Variants in GALNTL5 observed in about 807,000 individuals in gnomAD.
GALNTL5 encodes the protein inactive polypeptide N-acetylgalactosaminyltransferase-like protein 5.
A neutral mutation model predicts 51.0 loss-of-function variants in GALNTL5; 44 were observed. That is an observed-to-expected ratio of 0.86 (90% CI 0.68 to 1.11). GALNTL5 has a LOEUF of 1.11. Ranked by LOEUF, GALNTL5 falls within the 50% of genes least tolerant of loss-of-function variation. The pLI, the probability that GALNTL5 is intolerant of heterozygous loss-of-function variation, is 0.00. For missense variants in GALNTL5, 528 were observed against 531.8 expected, an observed-to-expected ratio of 0.99 and a Z score of 0.07; for synonymous variants, 192 against 182.8, an observed-to-expected ratio of 1.05 and a Z score of -0.41.
At chr7:151,979,629 G>T (rs1333370806) in intron 3 of GALNTL5, among the ~76,000 whole-genome samples, 1 of 150,808 alleles carries the variant, frequency 6.6e-6, no homozygotes, top group Admixed American at 6.6e-5. Flanking sequence ...CTAATTTTTT[G>T]GATTTTTAGT....
At chr7:151,968,942 G>A (rs1384548595) in intron 2 of GALNTL5, among the ~76,000 whole-genome samples, 2 of 151,982 alleles carry the variant, frequency 1.3e-5, no homozygotes, top group Non-Finnish European at 2.9e-5. Context: ...GGATCTTTTG[G>A]AATCTTTTGT....
In GALNTL5 at chr7:152,014,722, C is replaced by T; in HGVS notation, c.1105C>T (p.Pro369Ser). 1 of 1,613,962 alleles carries T rather than the reference C, an allele frequency of 6.2e-7. No homozygotes were observed. The highest frequency in any genetic ancestry group is 8.5e-7 in the Non-Finnish European group (1 of 1,179,920). Residue 369 changes from proline (P) to serine (S), a missense_variant, in exon 8 of 9, where the codon CCT becomes TCT. Transcript: ENST00000392800. ...GHISKKQTGK[P>S]STIISAMTHN... ...TATCAGTAAGAAACAAACTGGAAAA[C>T]CTTCTACAATCATCAGTGCTATGAC...
At position 152,002,883 on chromosome 7, in the gene GALNTL5, T is replaced by G. The variant is rs768241619; in HGVS notation, c.828T>G (p.Phe276Leu). 6.2e-7 allele frequency: 1 copy of G among 1,614,084 alleles called. No individual in the cohort carries two copies. The highest frequency in any genetic ancestry group is 8.5e-7 in the Non-Finnish European group (1 of 1,179,960). The change falls in exon 6 of 9, where the codon TTT becomes TTG. Residue 276 changes from phenylalanine to leucine, a missense_variant. Physicochemically the swap from Phe to Leu is conservative, Grantham distance 22. Transcript: ENST00000392800. ...YKPSPLVRGT[F>L]DWNLQFKWDN... ...CCTCTCCTCTTGTAAGGGGAACTTT[T>G]GATTGGAACCTACAATTTAAATGGG...
intron 5 of GALNTL5, among the ~76,000 whole-genome samples, chr7:151,993,732 A>G (rs1586835950): frequency 6.6e-6 from 1 of 151,796 alleles, no homozygotes; most frequent in Non-Finnish European, 1.5e-5. Context: ...TGATCCTCCC[A>G]CCTTAGCCTC....
At position 151,989,796 on chromosome 7, in the gene GALNTL5, T is replaced by C. The variant is rs904846723; in HGVS notation, c.658+2515T>C. On this transcript the variant is annotated intron_variant, in intron 5 of 8. Coordinates refer to ENST00000392800, the MANE Select transcript of GALNTL5 (RefSeq NM_145292.4). ...TGGCCAAAAAATAGGCTACCTTTTC[T>C]TTTCTTGGTATTACCAGCCATCAAA... is the stretch of plus-strand genomic sequence containing the variant. Among the ~76,000 whole-genome samples the C allele has an allele frequency of 1.3e-4, 20 of 152,354 alleles. 1 individual carries two copies. Among genetic ancestry groups the C allele is most frequent in the Admixed American group, 5.9e-4 (9 of 15,312 alleles).
chr7:152,018,519 T>G (rs2081847992), intron 8 of GALNTL5, among the ~76,000 whole-genome samples: 1 of 152,226 alleles, frequency 6.6e-6, no homozygotes, highest in African/African-American at 2.4e-5. Flanking sequence ...CATAGCTATT[T>G]CTGCATGGTT....
intron 7 of GALNTL5, 63 bp from the exon 8 acceptor site, chr7:152,014,581 A>T: frequency 6.7e-7 from 1 of 1,503,232 alleles, no homozygotes; most frequent in Non-Finnish European, 9.0e-7. Context: ...ATATTGGTTT[A>T]AAAGCAGTTG....
At chr7:151,975,352 G>T (rs1268192122) in intron 3 of GALNTL5, among the ~76,000 whole-genome samples, 3 of 151,906 alleles carry the variant, frequency 2.0e-5, no homozygotes, top group Non-Finnish European at 2.9e-5. Flanking sequence ...CAATTTGTTG[G>T]CATATAATTG....
In GALNTL5 at chr7:152,019,681, T is replaced by C. The variant is rs753948824; in HGVS notation, c.1212T>C (p.Tyr404=). ...TTCTTCGAAAGCCTGGTCTGAAATATGTCACCTACGGAAATATTCGCGAGC... is the reference window on the plus strand; with the variant it reads ...TTCTTCGAAAGCCTGGTCTGAAATACGTCACCTACGGAAATATTCGCGAGC... ...QFFLRKPGLK[Y]VTYGNIRERV... The change falls in exon 9 of 9, where the codon TAT becomes TAC. Residue 404 remains tyrosine (Y), a synonymous_variant. Transcript: ENST00000392800. 35 of 1,613,476 alleles carry C rather than the reference T, an allele frequency of 2.2e-5. No individual in the cohort carries two copies. The South Asian group carries it at 3.5e-4, about 16-fold the overall frequency.
intron 5 of GALNTL5, among the ~76,000 whole-genome samples, chr7:151,994,580 T>A (rs897011606): frequency 2.0e-5 from 3 of 152,044 alleles, no homozygotes; most frequent in Non-Finnish European, 2.9e-5. Context: ...CCTCATCCCG[T>A]CTCAGAGCCT....
At chr7:152,015,216 C>T (rs1473270511) in intron 8 of GALNTL5, among the ~76,000 whole-genome samples, 1 of 152,070 alleles carries the variant, frequency 6.6e-6, no homozygotes, top group Non-Finnish European at 1.5e-5. Flanking sequence ...TCTGGGAAAA[C>T]TCAAGTCTCT....
chr7:152,001,507 T>C (rs1292625850), intron 5 of GALNTL5, among the ~76,000 whole-genome samples: 1 of 152,310 alleles, frequency 6.6e-6, no homozygotes, highest in Admixed American at 6.5e-5. Context: ...CACAATTTAT[T>C]GAAAAGACTA....
chr7:152,006,199 C>A (rs1310572677), intron 6 of GALNTL5, among the ~76,000 whole-genome samples: 1 of 152,162 alleles, frequency 6.6e-6, no homozygotes, highest in East Asian at 1.9e-4. Flanking sequence ...GTGGCTGGAT[C>A]AGCGAGAGAA....
intron 5 of GALNTL5, among the ~76,000 whole-genome samples, chr7:151,996,822 A>G (rs2081506805): frequency 6.6e-6 from 1 of 151,842 alleles, no homozygotes; most frequent in Non-Finnish European, 1.5e-5. Context: ...TATTTTTAAG[A>G]TTTTAAAAAT....
At chr7:151,993,112 C>T (rs566348107) in intron 5 of GALNTL5, among the ~76,000 whole-genome samples, 2 of 152,022 alleles carry the variant, frequency 1.3e-5, no homozygotes, top group South Asian at 2.1e-4. Context: ...GTGGCACATG[C>T]ATCCATAGCT....
At chr7:151,990,559 C>A (rs563881321) in intron 5 of GALNTL5, among the ~76,000 whole-genome samples, 2 of 72,712 alleles carry the variant, frequency 2.8e-5, no homozygotes, top group Admixed American at 2.1e-4. Flanking sequence ...CCAGCCTGGG[C>A]GACAGAGCGA....
chr7:152,016,337 G>C (rs1210613898), intron 8 of GALNTL5, among the ~76,000 whole-genome samples: 1 of 151,628 alleles, frequency 6.6e-6, no homozygotes, highest in African/African-American at 2.4e-5. Context: ...CCAGGAGGCG[G>C]AAGTTGCAGT....
chr7:152,008,727 G>GT (rs1554410640), intron 7 of GALNTL5, among the ~76,000 whole-genome samples: 9 of 151,034 alleles, frequency 6.0e-5, no homozygotes, highest in Admixed American at 4.6e-4. Flanking sequence ...TGTTGTTTTT[G>GT]TTGTTTGTTT....
At chr7:152,014,908 T>A in intron 8 of GALNTL5, 115 bp downstream of exon 8, 1 of 925,220 alleles carries the variant, frequency 1.1e-6, no homozygotes, top group Non-Finnish European at 1.6e-6. Flanking sequence ...GTCATTATCC[T>A]AAGCAAATTA....
Sources: gnomAD v4.1 joint callset for allele counts (sites outside exome capture counted in the v4.1 genomes callset) on GRCh38, gnomAD v4.1.1 for gene constraint, MANE v1.5 for transcripts, NCBI Gene and HGNC (gene_info 2026-07-23, HGNC 2026-07-21) for gene names.